RAB27B: variants seen among roughly 807,000 people sequenced by gnomAD.
RAB27B encodes RAB27B, member RAS oncogene family.
A neutral mutation model predicts 24.6 loss-of-function variants in RAB27B; 15 were observed. The observed-to-expected ratio is 0.61, with a 90% confidence interval of 0.41 to 0.94. The LOEUF is 0.94. Among genes scored for constraint, RAB27B ranks in the 40% least tolerant of loss-of-function variants. RAB27B has a pLI of 0.00. For missense variants in RAB27B, 261 were observed against 266.8 expected (o/e 0.98, Z 0.15); for synonymous variants, 105 against 92.5 (o/e 1.14, Z -0.78).
In RAB27B at chr18:54,893,001, G is replaced by A. The variant is rs1161337151; in HGVS notation, c.*3588G>A. ...TATGATGTTCTTTAAGCTGCAAATT[G>A]AGTACACTGGGAATCAACAAATTTG... On this transcript the variant is annotated 3_prime_UTR_variant, in exon 6 of 6. Coordinates refer to ENST00000262094, the MANE Select transcript of RAB27B (RefSeq NM_004163.4). The A allele has an allele frequency of 6.6e-6, 1 of 152,012 alleles. No individual in the cohort carries two copies. The allele number at this position is 152,012 out of a possible 1,614,324, so 9.4% of individuals were successfully genotyped here.
At chr18:54,866,169 C>A (rs764438144) in intron 1 of RAB27B, among the ~76,000 whole-genome samples, 3 of 152,124 alleles carry the variant, frequency 2.0e-5, no homozygotes, top group Non-Finnish European at 4.4e-5. Context: ...CCCAGACCTG[C>A]TAGCAACACT....
chr18:54,801,291 A>G (rs1909602485), intron 2 of RAB27B, among the ~76,000 whole-genome samples: 1 of 152,126 alleles, frequency 6.6e-6, no homozygotes, highest in Non-Finnish European at 1.5e-5. Context: ...TTGGGATTGC[A>G]GGTGTGAGCC....
At chr18:54,795,369 G>A (rs904886162) in intron 2 of RAB27B, among the ~76,000 whole-genome samples, 2 of 152,154 alleles carry the variant, frequency 1.3e-5, no homozygotes, top group Admixed American at 6.5e-5. Context: ...CTAGGTCCTC[G>A]CCACACAGAA....
chr18:54,740,880 A>T (rs991208078), intron 2 of RAB27B, among the ~76,000 whole-genome samples: 8 of 152,222 alleles, frequency 5.3e-5, no homozygotes, highest in Admixed American at 5.2e-4. Flanking sequence ...AGGAGATTTT[A>T]CTGCTAGTGC....
At chr18:54,854,383 A>T (rs1911701976) in intron 1 of RAB27B, among the ~76,000 whole-genome samples, 1 of 152,066 alleles carries the variant, frequency 6.6e-6, no homozygotes, top group African/African-American at 2.4e-5. Flanking sequence ...TAGGATTTTC[A>T]TTGGTAGAAA....
chr18:54,819,667 A>G (rs1910239114), intron 2 of RAB27B, among the ~76,000 whole-genome samples: 1 of 152,062 alleles, frequency 6.6e-6, no homozygotes, highest in Non-Finnish European at 1.5e-5. Flanking sequence ...CATGTGCACA[A>G]CGTGCATGTT....
intron 2 of RAB27B, among the ~76,000 whole-genome samples, chr18:54,741,661 T>C (rs1025981671): frequency 3.3e-5 from 5 of 152,036 alleles, no homozygotes; most frequent in Admixed American, 6.6e-5. Flanking sequence ...GCCCAGCTAA[T>C]TTTTTGTTTG....
intron 3 of RAB27B, among the ~76,000 whole-genome samples, chr18:54,883,605 T>C (rs958973669): frequency 6.6e-5 from 10 of 152,092 alleles, no homozygotes; most frequent in Non-Finnish European, 1.5e-4. Context: ...GGTGAGGGCA[T>C]GGAAAGCTGA....
Position 54,890,706 on chromosome 18 carries a change from G to A in RAB27B, c.*1293G>A, listed in dbSNP as rs1484012210. 6.6e-6 allele frequency: 1 copy of A among 152,084 alleles called. No individual in the cohort carries two copies. Among genetic ancestry groups the A allele is most frequent in the South Asian group, 2.1e-4 (1 of 4,832 alleles). 9.4% of individuals were successfully genotyped at this position (152,084 alleles called of 1,614,324 possible). A position where few individuals can be genotyped will look rare whatever the true frequency, so the allele number is the denominator to read the frequency against. On this transcript the variant is annotated 3_prime_UTR_variant, in exon 6 of 6. Coordinates refer to ENST00000262094, the MANE Select transcript of RAB27B (RefSeq NM_004163.4). ...ACAATATGATTTTATTTTGCCAAAG[G>A]CAAGACACCTATAGTTGAGCTGTAT... is the stretch of plus-strand genomic sequence containing the variant.
At position 54,893,622 on chromosome 18, in the gene RAB27B, G is replaced by A. The variant is rs1415728763; in HGVS notation, c.*4209G>A. 6.6e-6 allele frequency: 1 copy of A among 151,944 alleles called. No individual in the cohort carries two copies. Among genetic ancestry groups the A allele is most frequent in the African/African-American group, 2.4e-5 (1 of 41,416 alleles). 9.4% of individuals were successfully genotyped at this position (151,944 alleles called of 1,614,324 possible). A position where few individuals can be genotyped will look rare whatever the true frequency, so the allele number is the denominator to read the frequency against. On this transcript the variant is annotated 3_prime_UTR_variant, in exon 6 of 6. Coordinates refer to ENST00000262094, the MANE Select transcript of RAB27B (RefSeq NM_004163.4). Reference sequence around the variant, plus strand: ...TGAAAATGGATATAGGCTATTCTCTGGGATGAGTGTCATTTCAATGCTTTA... The same window carrying A: ...TGAAAATGGATATAGGCTATTCTCTAGGATGAGTGTCATTTCAATGCTTTA...
chr18:54,764,431 T>TA lies in RAB27B; in HGVS notation c.-20+46293dup, dbSNP rs1908294817. Among the ~76,000 whole-genome samples, 5 of 152,174 alleles carry TA rather than the reference T, an allele frequency of 3.3e-5. No homozygotes were observed. In the South Asian group the frequency reaches 1.0e-3, roughly 32 times the overall value. On this transcript the variant is annotated intron_variant, in intron 2 of 4. Transcript: ENST00000586570. ...TACTCCATGTTGAGTGTGTGTATTTTAAAGCAAATACCTGATATCTCTGCC... is the reference window on the plus strand; with the variant it reads ...TACTCCATGTTGAGTGTGTGTATTTTAAAAGCAAATACCTGATATCTCTGCC...
intron 2 of RAB27B, among the ~76,000 whole-genome samples, chr18:54,728,936 G>GAAAAAAAAAAA (rs1909640567): frequency 1.5e-5 from 1 of 65,416 alleles, no homozygotes; most frequent in Admixed American, 1.7e-4. Flanking sequence ...ACCACCAAAG[G>GAAAAAAAAAAA]AAACCTGCCT....
intron 2 of RAB27B, among the ~76,000 whole-genome samples, chr18:54,798,088 T>C (rs898021911): frequency 6.6e-6 from 1 of 152,216 alleles, no homozygotes; most frequent in African/African-American, 2.4e-5. Context: ...AACAACTGAC[T>C]TCTCTTTCTT....
At chr18:54,825,526 T>C (rs1255534021), upstream of RAB27B, among the ~76,000 whole-genome samples, 1 of 152,210 alleles carries the variant, frequency 6.6e-6, no homozygotes, top group Admixed American at 6.5e-5. Flanking sequence ...TTTTTCAACT[T>C]AGTCTTCTAA....
At position 54,801,011 on chromosome 18, in the gene RAB27B, T is replaced by G. The variant is rs1461484308; in HGVS notation, c.-19-76556T>G. ...TTTAAATTTGTTTTGTTCCTGTGTT[T>G]TTTTTTTTTTTTTTTTTTTTTAACA... On this transcript the variant is annotated intron_variant, in intron 2 of 4. Coordinates refer to the RAB27B transcript ENST00000586570. 8.9e-5 allele frequency among the ~76,000 whole-genome samples: 7 copies of G among 78,286 alleles called. No individual in the cohort carries two copies. The South Asian group carries it at 1.8e-3, about 20-fold the overall frequency. The allele number at this position is 78,286 out of a possible 152,430, so 51.4% of individuals were successfully genotyped here. A position where few individuals can be genotyped will look rare whatever the true frequency, so the allele number is the denominator to read the frequency against.
intron 2 of RAB27B, among the ~76,000 whole-genome samples, chr18:54,735,266 G>A (rs974378836): frequency 6.6e-6 from 1 of 152,140 alleles, no homozygotes; most frequent in African/African-American, 2.4e-5. Flanking sequence ...GTAGCCACTA[G>A]CTATTGAAAC....
chr18:54,791,240 AGAAAG>A (rs1909237357), intron 2 of RAB27B, among the ~76,000 whole-genome samples: 1 of 152,150 alleles, frequency 6.6e-6, no homozygotes, highest in Non-Finnish European at 1.5e-5. Flanking sequence ...GAAAGAGTAA[AGAAAG>A]GAAAAGAAGA....
intron 2 of RAB27B, among the ~76,000 whole-genome samples, chr18:54,730,154 A>T (rs1407432965): frequency 6.6e-6 from 1 of 152,226 alleles, no homozygotes; most frequent in Non-Finnish European, 1.5e-5. Context: ...AACAGAGTGA[A>T]GAGGTTGTAT....
At chr18:54,757,455 T>C (rs2145044001) in intron 2 of RAB27B, among the ~76,000 whole-genome samples, 1 of 152,348 alleles carries the variant, frequency 6.6e-6, no homozygotes, top group Middle Eastern at 3.4e-3. Context: ...TATTTCATCT[T>C]AATTTGAGAA....
Sources: gnomAD v4.1 joint callset for allele counts (sites outside exome capture counted in the v4.1 genomes callset) on GRCh38, gnomAD v4.1.1 for gene constraint, MANE v1.5 for transcripts, NCBI Gene and HGNC (gene_info 2026-07-23, HGNC 2026-07-21) for gene names.